TBC1D5: variants seen among roughly 807,000 people sequenced by gnomAD.
The protein encoded by TBC1D5 is TBC1 domain family member 5.
In TBC1D5, 75 loss-of-function variants were observed where a neutral mutation model predicts 100.3. The ratio of observed to expected loss-of-function variants is 0.75; its 90% CI spans 0.62 to 0.91. The LOEUF (loss-of-function observed/expected upper bound fraction) is 0.91, where lower values mean the gene tolerates loss of function less well. Among genes scored for constraint, TBC1D5 ranks in the 40% least tolerant of loss-of-function variants. The pLI is 0.00. For synonymous variants in TBC1D5, 323 were observed against 325.6 expected, an observed-to-expected ratio of 0.99 and a Z score of 0.09; for missense variants, 910 against 942.4, an observed-to-expected ratio of 0.97 and a Z score of 0.45.
chr3:17,160,867 T>G, exon 22 of TBC1D5: 2 of 1,419,844 alleles, frequency 1.4e-6, no homozygotes, highest in Non-Finnish European at 9.4e-7. Context: ...AAGGAAGCAG[T>G]GGTTTAAGAA....
rs147090251 is a variant in TBC1D5, at chr3:17,488,657, G to A, written c.97+19817C>T. Among the ~76,000 whole-genome samples the A allele has an allele frequency of 4.5e-3, 677 of 152,102 alleles. 1 individual carries two copies. Among genetic ancestry groups the A allele is most frequent in the African/African-American group, 0.015 (642 of 41,494 alleles). ...CTGCATTTTATGTTGTCATTGTTTAGGATCTTAATCCTGCAAATATGTATA... is the reference window on the plus strand; with the variant it reads ...CTGCATTTTATGTTGTCATTGTTTAAGATCTTAATCCTGCAAATATGTATA... On this transcript the variant is annotated intron_variant, in intron 3 of 21. Coordinates refer to ENST00000253692, the Ensembl canonical transcript of TBC1D5.
At chr3:17,563,908 G>T (rs1038709010) in intron 2 of TBC1D5, among the ~76,000 whole-genome samples, 1 of 152,002 alleles carries the variant, frequency 6.6e-6, no homozygotes, top group African/African-American at 2.4e-5. Flanking sequence ...TCAGCCTCCC[G>T]AGTAGCTGGG....
intron 8 of TBC1D5, among the ~76,000 whole-genome samples, chr3:17,400,876 GTTT>G (rs1332535613): frequency 6.6e-6 from 1 of 152,100 alleles, no homozygotes; most frequent in Non-Finnish European, 1.5e-5. Flanking sequence ...TACACCAGCA[GTTT>G]GCCAGGGGCT....
intron 3 of TBC1D5, among the ~76,000 whole-genome samples, chr3:17,467,401 A>G (rs1408327891): frequency 6.6e-6 from 1 of 151,556 alleles, no homozygotes; most frequent in Non-Finnish European, 1.5e-5. Flanking sequence ...CCCATTTGCA[A>G]CACCTAGGAA....
At chr3:17,195,006 A>C (rs947885222) in intron 18 of TBC1D5, among the ~76,000 whole-genome samples, 2 of 152,266 alleles carry the variant, frequency 1.3e-5, no homozygotes, top group African/African-American at 2.4e-5. Flanking sequence ...GTGTAACCAG[A>C]GGAAGAATAA....
intron 15 of TBC1D5, among the ~76,000 whole-genome samples, chr3:17,271,729 T>G (rs2079445983): frequency 6.6e-6 from 1 of 152,158 alleles, no homozygotes; most frequent in African/African-American, 2.4e-5. Context: ...CAGTATGATG[T>G]TGGCTGTGGG....
intron 2 of TBC1D5, among the ~76,000 whole-genome samples, chr3:17,569,489 T>C (rs1458102084): frequency 6.6e-6 from 1 of 151,852 alleles, no homozygotes; most frequent in Non-Finnish European, 1.5e-5. Context: ...GCCTATATTA[T>C]GTTTAGCCCA....
At chr3:17,694,292 CTT>C (rs748314506) in intron 1 of TBC1D5, among the ~76,000 whole-genome samples, 1 of 152,170 alleles carries the variant, frequency 6.6e-6, no homozygotes, top group Non-Finnish European at 1.5e-5. Context: ...TAATAACAAA[CTT>C]TTCCGAGCTA....
chr3:17,711,316 A>G (rs2074713891), intron 1 of TBC1D5, among the ~76,000 whole-genome samples: 1 of 152,234 alleles, frequency 6.6e-6, no homozygotes, highest in Non-Finnish European at 1.5e-5. Flanking sequence ...TACTTGATAC[A>G]TGCAAAAGAA....
intron 1 of TBC1D5, among the ~76,000 whole-genome samples, chr3:17,641,803 T>C (rs1457863825): frequency 6.6e-6 from 1 of 152,200 alleles, no homozygotes; most frequent in African/African-American, 2.4e-5. Flanking sequence ...TGCCTTACTA[T>C]TGCTGTATTT....
intron 3 of TBC1D5, among the ~76,000 whole-genome samples, chr3:17,439,640 T>C (rs1034425709): frequency 1.3e-5 from 2 of 151,664 alleles, no homozygotes; most frequent in Non-Finnish European, 2.9e-5. Flanking sequence ...ATTTTTGCTA[T>C]GACATTAAGG....
At chr3:17,543,081 T>C (rs9875973) in intron 2 of TBC1D5, among the ~76,000 whole-genome samples, 77,895 of 151,674 alleles carry the variant, frequency 0.51, 21,908 homozygotes, top group African/African-American at 0.73. Context: ...ACTGTAGATA[T>C]ATATGGCACA....
At chr3:17,655,168 T>C (rs976867325) in intron 1 of TBC1D5, among the ~76,000 whole-genome samples, 7 of 152,060 alleles carry the variant, frequency 4.6e-5, no homozygotes, top group African/African-American at 1.7e-4. Context: ...CCTTCAGTTC[T>C]GCTCTGATTT....
At chr3:17,608,919 G>A (rs2061504951) in intron 2 of TBC1D5, among the ~76,000 whole-genome samples, 3 of 152,156 alleles carry the variant, frequency 2.0e-5, no homozygotes, top group Admixed American at 1.3e-4. Flanking sequence ...CCAAAAGTGA[G>A]AGCAGTTTGC....
chr3:17,483,943 C>T (rs1443857418), intron 3 of TBC1D5, among the ~76,000 whole-genome samples: 1 of 152,154 alleles, frequency 6.6e-6, no homozygotes, highest in African/African-American at 2.4e-5. Context: ...TTAAATACAG[C>T]AGCCTGGACA....
chr3:17,603,817 G>C (rs920072052), intron 2 of TBC1D5, among the ~76,000 whole-genome samples: 3 of 151,972 alleles, frequency 2.0e-5, no homozygotes, highest in African/African-American at 7.3e-5. Context: ...GCTAATTTTT[G>C]TATTTTTAGT....
At chr3:17,648,252 T>C (rs533598814) in intron 1 of TBC1D5, among the ~76,000 whole-genome samples, 1 of 152,236 alleles carries the variant, frequency 6.6e-6, no homozygotes, top group Non-Finnish European at 1.5e-5. Context: ...ATTCAATAAA[T>C]GGTGCTGGGA....
intron 18 of TBC1D5, among the ~76,000 whole-genome samples, chr3:17,203,017 T>C (rs746408554): frequency 8.5e-5 from 13 of 152,182 alleles, no homozygotes; most frequent in Non-Finnish European, 1.8e-4. Context: ...CCCAGAATGG[T>C]AGATCTATTG....
At chr3:17,243,599 A>C (rs2076486604) in intron 16 of TBC1D5, among the ~76,000 whole-genome samples, 1 of 152,218 alleles carries the variant, frequency 6.6e-6, no homozygotes. Flanking sequence ...TGAAAGATTA[A>C]ACAAAATTTA....
Sources: allele counts gnomAD v4.1 joint callset (sites outside exome capture counted in the v4.1 genomes callset), GRCh38; gene constraint gnomAD v4.1.1; transcripts MANE v1.5; gene names NCBI Gene and HGNC (gene_info 2026-07-23, HGNC 2026-07-21).